The following IQGAP2 variants were observed in gnomAD, a reference collection of about 807,000 sequenced individuals.
IQGAP2 encodes ras GTPase-activating-like protein IQGAP2.
In IQGAP2, 173 loss-of-function variants were observed where a neutral mutation model predicts 201.3. The ratio of observed to expected loss-of-function variants is 0.86; its 90% CI spans 0.76 to 0.98. The LOEUF (loss-of-function observed/expected upper bound fraction) is 0.98, where lower values mean the gene tolerates loss of function less well. IQGAP2 is among the 50% of genes least tolerant of loss of function. The probability of loss-of-function intolerance (pLI) is 0.00; values close to 1 mark genes in which losing one functional copy is unlikely to be tolerated. For synonymous variants in IQGAP2, 675 were observed against 673.9 expected (o/e 1.00, Z -0.03); for missense variants, 1,687 against 1,864.8 (o/e 0.90, Z 1.76).
At chr5:76,682,733 A>G (rs1745412912) in intron 28 of IQGAP2, among the ~76,000 whole-genome samples, 1 of 152,196 alleles carries the variant, frequency 6.6e-6, no homozygotes, top group Admixed American at 6.5e-5. Context: ...TGATTACTGC[A>G]TAGAGATGTA....
At chr5:76,594,389 T>C (rs1464080005) in intron 9 of IQGAP2, among the ~76,000 whole-genome samples, 3 of 152,156 alleles carry the variant, frequency 2.0e-5, no homozygotes. Flanking sequence ...TTTAGTTCTT[T>C]ACTCAGTGCC....
At chr5:76,533,453 A>G (rs1346721063) in intron 2 of IQGAP2, among the ~76,000 whole-genome samples, 5 of 151,988 alleles carry the variant, frequency 3.3e-5, no homozygotes, top group Admixed American at 1.3e-4. Context: ...TTTACTAGGC[A>G]GTTCTTTATA....
intron 2 of IQGAP2, among the ~76,000 whole-genome samples, chr5:76,559,997 T>C (rs1464393446): frequency 3.9e-5 from 6 of 152,182 alleles, no homozygotes; most frequent in Non-Finnish European, 8.8e-5. Context: ...TTTCTTACTT[T>C]TTTTGTTTTT....
intron 2 of IQGAP2, among the ~76,000 whole-genome samples, chr5:76,486,122 C>A (rs934959204): frequency 2.6e-5 from 4 of 152,274 alleles, no homozygotes; most frequent in African/African-American, 9.6e-5. Context: ...TATGCTTGAA[C>A]AGTAGATTTC....
intron 1 of IQGAP2, among the ~76,000 whole-genome samples, chr5:76,410,771 C>T (rs1388626470): frequency 3.3e-5 from 5 of 152,178 alleles, no homozygotes; most frequent in South Asian, 2.1e-4. Flanking sequence ...CACTGATTTA[C>T]GGTCCTGCAA....
intron 5 of IQGAP2, among the ~76,000 whole-genome samples, chr5:76,577,780 A>G (rs958416155): frequency 2.0e-5 from 3 of 152,248 alleles, no homozygotes; most frequent in African/African-American, 7.2e-5. Flanking sequence ...CTCTTGCTGC[A>G]TAGTTAGAAA....
intron 2 of IQGAP2, among the ~76,000 whole-genome samples, chr5:76,498,581 T>C (rs1757111152): frequency 6.6e-6 from 1 of 152,204 alleles, no homozygotes; most frequent in Admixed American, 6.5e-5. Flanking sequence ...AAAGCCTCAG[T>C]TTTCTCCTTT....
rs10603126 is a variant in IQGAP2, at chr5:76,614,605, CTTTTTTTTTTT to C, written c.1521+3439_1521+3449del. Among the ~76,000 whole-genome samples, 214 of 59,608 alleles carry C rather than the reference CTTTTTTTTTTT, an allele frequency of 3.6e-3. 1 individual carries two copies. Among genetic ancestry groups the C allele is most frequent in the Middle Eastern group, 0.016 (1 of 62 alleles). The allele number at this position is 59,608 out of a possible 152,430, so 39.1% of individuals were successfully genotyped here. A position where few individuals can be genotyped will look rare whatever the true frequency, so the allele number is the denominator to read the frequency against. Reference sequence around the variant, plus strand: ...TTAATGTCTTTGTTTTTCCCCTCTGCTTTTTTTTTTTTTTTTTTTTTTTTTTTGGAGACAGG... The same window carrying C: ...TTAATGTCTTTGTTTTTCCCCTCTGCTTTTTTTTTTTTTTTTGGAGACAGG... On this transcript the variant is annotated intron_variant, in intron 13 of 35. Transcript: ENST00000274364.
chr5:76,673,654 T>C, intron 25 of IQGAP2, 65 bp downstream of exon 25: 1 of 1,535,450 alleles, frequency 6.5e-7, no homozygotes, highest in Non-Finnish European at 9.0e-7. Context: ...CGATGTAAAA[T>C]AAGCCCCTGT....
intron 18 of IQGAP2, among the ~76,000 whole-genome samples, 189 bp downstream of exon 18, chr5:76,653,022 G>A (rs1012058643): frequency 2.6e-5 from 4 of 152,200 alleles, no homozygotes; most frequent in East Asian, 3.9e-4. Context: ...TGGTTAAACC[G>A]GTATAAAACC....
intron 2 of IQGAP2, among the ~76,000 whole-genome samples, chr5:76,476,518 C>G (rs1172835304): frequency 6.6e-6 from 1 of 151,990 alleles, no homozygotes; most frequent in African/African-American, 2.4e-5. Context: ...AAAGTGTAAA[C>G]AAAAAGTGAT....
At chr5:76,682,047 G>C (rs1239236419) in intron 28 of IQGAP2, among the ~76,000 whole-genome samples, 2 of 152,106 alleles carry the variant, frequency 1.3e-5, no homozygotes, top group Admixed American at 6.6e-5. Context: ...TGGTTTCTAG[G>C]GGATAGAAAG....
At chr5:76,575,635 G>C in intron 4 of IQGAP2, 58 bp from the exon 5 acceptor site, 1 of 1,083,398 alleles carries the variant, frequency 9.2e-7, no homozygotes, top group Admixed American at 2.1e-5. Context: ...ATTTTGGGAA[G>C]TTAAAATACT....
Position 76,668,682 on chromosome 5 carries a change from C to A in IQGAP2, c.2681C>A (p.Thr894Asn). The A allele has an allele frequency of 6.2e-7, 1 of 1,604,946 alleles. No homozygotes were observed. ...TYQQLFYLLQ[T>N]NPLYLAKLIF... is the part of the protein sequence containing the mutation. ...TTCTTTTTCCTTCTTTCCTTCTAGA[C>A]CAACCCTTTATACTTGGCTAAGCTG... Residue 894 changes from threonine to asparagine, a missense_variant and splice_region_variant, in exon 23 of 36, where the codon ACC (threonine) becomes AAC (asparagine). By Grantham distance (65) the Thr-to-Asn change is moderately conservative (BLOSUM62 0). Transcript: ENST00000274364.
intron 2 of IQGAP2, among the ~76,000 whole-genome samples, chr5:76,554,850 G>A (rs1317862622): frequency 6.6e-6 from 1 of 152,108 alleles, no homozygotes; most frequent in East Asian, 1.9e-4. Flanking sequence ...GCAAAAACTA[G>A]TTCACAAGTG....
intron 13 of IQGAP2, chr5:76,617,696 A>G: frequency 6.2e-7 from 1 of 1,614,116 alleles, no homozygotes; most frequent in Non-Finnish European, 8.5e-7. Context: ...GATATATAAA[A>G]TATAAGCCAT....
chr5:76,418,412 T>C (rs1232917437), intron 1 of IQGAP2, among the ~76,000 whole-genome samples: 1 of 151,954 alleles, frequency 6.6e-6, no homozygotes, highest in African/African-American at 2.4e-5. Flanking sequence ...AATCTCTGAA[T>C]TGAGGCTGGA....
At chr5:76,628,441 C>G (rs1750433063) in intron 14 of IQGAP2, among the ~76,000 whole-genome samples, 1 of 152,192 alleles carries the variant, frequency 6.6e-6, no homozygotes, top group Admixed American at 6.5e-5. Context: ...CAGCAACTGG[C>G]AGAATCCCCA....
intron 4 of IQGAP2, among the ~76,000 whole-genome samples, chr5:76,571,857 C>G (rs1745138384): frequency 1.3e-5 from 2 of 151,996 alleles, no homozygotes; most frequent in Non-Finnish European, 2.9e-5. Flanking sequence ...GACTACAGAC[C>G]TTTTTCCATT....
Sources: gnomAD v4.1 joint callset for allele counts (sites outside exome capture counted in the v4.1 genomes callset) on GRCh38, gnomAD v4.1.1 for gene constraint, MANE v1.5 for transcripts, NCBI Gene and HGNC (gene_info 2026-07-23, HGNC 2026-07-21) for gene names.